KDM4B: variants seen among roughly 807,000 people sequenced by gnomAD.
KDM4B encodes lysine-specific demethylase 4B.
KDM4B carries 32 observed loss-of-function variants against 125.2 expected under a neutral mutation model. That is an observed-to-expected ratio of 0.26 (90% CI 0.19 to 0.34). The LOEUF (loss-of-function observed/expected upper bound fraction) is 0.34. Ranked by LOEUF, KDM4B falls within the 10% of genes least tolerant of loss-of-function variation. The pLI is 1.00. For synonymous variants in KDM4B, 721 were observed against 677.9 expected, an observed-to-expected ratio of 1.06 and a Z score of -0.99; for missense variants, 1,190 against 1,577.7, an observed-to-expected ratio of 0.75 and a Z score of 4.16.
intron 9 of KDM4B, among the ~76,000 whole-genome samples, chr19:5,083,760 C>T (rs545090535): frequency 3.5e-4 from 53 of 152,294 alleles, no homozygotes; most frequent in African/African-American, 1.2e-3. Context: ...TGCAGCAGGA[C>T]GGGCAGCGGG....
At position 5,081,974 on chromosome 19, in the gene KDM4B, G is replaced by A. The variant is rs2038309963; in HGVS notation, c.781-393G>A. 6.6e-6 allele frequency among the ~76,000 whole-genome samples: 1 copy of A among 152,204 alleles called. No homozygotes were observed. The highest frequency in any genetic ancestry group is 6.5e-5 in the Admixed American group (1 of 15,276). On this transcript the variant is annotated intron_variant, in intron 8 of 22. Coordinates refer to ENST00000159111, the MANE Select transcript of KDM4B (RefSeq NM_015015.3). This position sits in a 1 kb window ranked among gnomAD's most constrained non-coding sequence, Gnocchi z 4.2. The stretch of plus-strand genomic sequence containing the variant: ...TGAGTGTGACTCAGCCACCTCCAAA[G>A]CAGGAGGCCCCCATCGCTCCCCATG...
chr19:5,029,636 G>T (rs1170470997), intron 2 of KDM4B, among the ~76,000 whole-genome samples: 2 of 152,194 alleles, frequency 1.3e-5, no homozygotes, highest in Admixed American at 1.3e-4. Flanking sequence ...TTAGCAGCCA[G>T]GGCAACATGG....
At chr19:5,099,023 G>A (rs1417805784) in intron 9 of KDM4B, among the ~76,000 whole-genome samples, 2 of 152,224 alleles carry the variant, frequency 1.3e-5, no homozygotes, top group Non-Finnish European at 2.9e-5. Flanking sequence ...TGAGCCTTTA[G>A]TTGCTGCTTT....
chr19:5,089,385 T>A (rs1028102263), intron 9 of KDM4B, among the ~76,000 whole-genome samples: 2 of 152,228 alleles, frequency 1.3e-5, no homozygotes, highest in Non-Finnish European at 2.9e-5. Context: ...GTAGCCCCGT[T>A]TGTTGTAGTG....
At chr19:5,053,056 G>A (rs536890056) in intron 6 of KDM4B, among the ~76,000 whole-genome samples, 1 of 152,378 alleles carries the variant, frequency 6.6e-6, no homozygotes, top group Non-Finnish European at 1.5e-5. Context: ...CAGGGGTGGC[G>A]TAGCCTGAGC....
At chr19:5,107,331 C>T (rs770573319) in intron 9 of KDM4B, among the ~76,000 whole-genome samples, 3 of 152,240 alleles carry the variant, frequency 2.0e-5, no homozygotes, top group Admixed American at 6.5e-5. Context: ...CAGATTCCCC[C>T]GGATGGTGCC....
At chr19:5,021,462 G>A (rs1401044665) in intron 2 of KDM4B, among the ~76,000 whole-genome samples, 1 of 152,002 alleles carries the variant, frequency 6.6e-6, no homozygotes, top group Non-Finnish European at 1.5e-5. Context: ...GGGTGTGGTG[G>A]CATGTACCTG....
intron 6 of KDM4B, among the ~76,000 whole-genome samples, chr19:5,048,241 G>T (rs901597768): frequency 7.2e-5 from 11 of 152,228 alleles, no homozygotes; most frequent in Non-Finnish European, 1.2e-4. Context: ...TGAGTTCCAG[G>T]ACCTTCTCCT....
At chr19:5,064,198 C>G (rs2037695091) in intron 6 of KDM4B, among the ~76,000 whole-genome samples, 1 of 152,226 alleles carries the variant, frequency 6.6e-6, no homozygotes, top group Non-Finnish European at 1.5e-5. Flanking sequence ...CCCTCCTGGG[C>G]TTGCGTGGGT....
At chr19:5,086,613 G>A (rs1027540994) in intron 9 of KDM4B, among the ~76,000 whole-genome samples, 39 of 152,180 alleles carry the variant, frequency 2.6e-4, no homozygotes, top group African/African-American at 9.4e-4. Context: ...AGATGCCAGC[G>A]GGGTTGCACA....
At chr19:5,002,197 C>G (rs1480430366) in intron 1 of KDM4B, among the ~76,000 whole-genome samples, 1 of 152,146 alleles carries the variant, frequency 6.6e-6, no homozygotes, top group African/African-American at 2.4e-5. Flanking sequence ...AGGGTTTCGC[C>G]ATGTTGGTCA....
intron 1 of KDM4B, among the ~76,000 whole-genome samples, chr19:4,999,985 C>T (rs894801060): frequency 6.9e-6 from 1 of 144,988 alleles, no homozygotes; most frequent in Non-Finnish European, 1.5e-5. Flanking sequence ...ATCTATCCCC[C>T]TGTCCACCCA....
At chr19:5,110,859 CG>C (rs1329825511) in intron 10 of KDM4B, 41 bp downstream of exon 10, 4 of 1,487,194 alleles carry the variant, frequency 2.7e-6, no homozygotes, top group Non-Finnish European at 2.7e-6. Flanking sequence ...CCCAGCATCA[CG>C]GGGGGTGGCC....
At chr19:5,029,935 C>T (rs1466579699) in intron 2 of KDM4B, among the ~76,000 whole-genome samples, 1 of 152,218 alleles carries the variant, frequency 6.6e-6, no homozygotes, top group East Asian at 1.9e-4. Context: ...CACGGCTCCA[C>T]CTTCCAGATG....
chr19:5,099,747 C>T (rs1240973260), intron 9 of KDM4B, among the ~76,000 whole-genome samples: 1 of 152,202 alleles, frequency 6.6e-6, no homozygotes, highest in East Asian at 1.9e-4. Context: ...TAAAAGAGCC[C>T]CCAGAGAGCT....
rs1036667843 is a variant in KDM4B at position 5,093,481 on chromosome 19, G to A, written c.918+10977G>A. ...GCCGGCGCCTAATTGTTTTGTTGAC[G>A]CGGCTGCCGAGCACTTCCAGTAGGT... On this transcript the variant is annotated intron_variant, in intron 9 of 22. Transcript: ENST00000159111. 1.1e-3 allele frequency among the ~76,000 whole-genome samples: 170 copies of A among 152,306 alleles called. 1 individual carries two copies. Among genetic ancestry groups the A allele is most frequent in the African/African-American group, 4.0e-3 (165 of 41,560 alleles).
intron 1 of KDM4B, among the ~76,000 whole-genome samples, chr19:5,007,120 G>A (rs961024236): frequency 2.6e-5 from 4 of 152,222 alleles, no homozygotes; most frequent in Admixed American, 1.3e-4. Context: ...ACCATCCCTC[G>A]TGAGCACCCC....
chr19:5,090,343 A>C (rs2038650101), intron 9 of KDM4B, among the ~76,000 whole-genome samples: 1 of 141,316 alleles, frequency 7.1e-6, no homozygotes, highest in African/African-American at 2.7e-5. Context: ...CTCAGTGGTA[A>C]CGTTCTCTCT....
chr19:5,040,058 C>T, intron 4 of KDM4B, 47 bp downstream of exon 4: 1 of 1,553,678 alleles, frequency 6.4e-7, no homozygotes, highest in African/African-American at 1.4e-5. Flanking sequence ...CCCGGGGGCA[C>T]ACCTGCTCAT....
Sources: gnomAD v4.1 joint callset for allele counts (sites outside exome capture counted in the v4.1 genomes callset) on GRCh38, gnomAD v4.1.1 for gene constraint, Gnocchi (gnomAD v3.1) non-coding constraint, MANE v1.5 for transcripts, NCBI Gene and HGNC (gene_info 2026-07-23, HGNC 2026-07-21) for gene names.